Variants in PGAP1 observed in about 807,000 individuals in gnomAD.
PGAP1 encodes GPI inositol-deacylase.
Under a neutral mutation model 127.0 loss-of-function variants are expected in PGAP1, and 76 were observed. That is an observed-to-expected ratio of 0.60 (90% CI 0.50 to 0.72). The LOEUF is 0.72. PGAP1 is among the 30% of genes least tolerant of loss of function. PGAP1 has a pLI of 0.00. For missense variants in PGAP1, 982 were observed against 1,071.3 expected (o/e 0.92, Z 1.16); for synonymous variants, 362 against 366.5 (o/e 0.99, Z 0.14).
intron 21 of PGAP1, 90 bp downstream of exon 21, chr2:196,847,857 T>C (rs915076795): frequency 3.1e-6 from 3 of 975,098 alleles, no homozygotes; most frequent in Non-Finnish European, 4.3e-6. Flanking sequence ...CTGCCAAATC[T>C]GTATGAAAAT....
At chr2:196,880,180 T>A in intron 12 of PGAP1, 27 bp from the exon 13 acceptor site, 1 of 1,337,244 alleles carries the variant, frequency 7.5e-7, no homozygotes, top group Non-Finnish European at 1.0e-6. Context: ...AGAAACTACT[T>A]TTATTTCTTA....
rs772707769 is a variant in PGAP1 at position 196,865,008 on chromosome 2, A to G, written c.1840T>C (p.Leu614=). The G allele has an allele frequency of 1.9e-6, 3 of 1,555,916 alleles. No homozygotes were observed. The highest frequency in any genetic ancestry group is 4.6e-5 in the East Asian group (2 of 43,276). ...TTACCTGTTGAGAAAAGAGAATATA[A>G]CTGTCCTCTATAAGCAAGAAGGATA... ...SNILLAYRGQ[L]YSLFSTGCCL... Residue 614 remains leucine (L), a synonymous_variant, in exon 20 of 27, where the codon TTA becomes CTA. Coordinates refer to ENST00000354764, the MANE Select transcript of PGAP1 (RefSeq NM_024989.4).
At chr2:196,886,861 C>A (rs1458331469) in intron 10 of PGAP1, among the ~76,000 whole-genome samples, 1 of 151,976 alleles carries the variant, frequency 6.6e-6, no homozygotes, top group Admixed American at 6.5e-5. Flanking sequence ...CCACACACAG[C>A]TAATTTTTGT....
chr2:196,885,863 A>G lies in PGAP1; in HGVS notation c.1191T>C (p.Ile397=). The change falls in exon 11 of 27, where the codon ATT becomes ATC. Residue 397 remains isoleucine, a synonymous_variant. Coordinates refer to ENST00000354764, the MANE Select transcript of PGAP1 (RefSeq NM_024989.4). Reference sequence around the variant, plus strand: ...TAGAAGTGCTGTTTATGCAAGCAAAAATCCAACTATTTGTATCCTGTTGAT... The same window carrying G: ...TAGAAGTGCTGTTTATGCAAGCAAAGATCCAACTATTTGTATCCTGTTGAT... ...QSTMLDTNSW[I]FACINSTSMC... 7.1e-7 allele frequency: 1 copy of G among 1,416,400 alleles called. No individual in the cohort carries two copies. The highest frequency in any genetic ancestry group is 9.3e-7 in the Non-Finnish European group (1 of 1,080,646). The allele number at this position is 1,416,400 out of a possible 1,614,324, so 87.7% of individuals were successfully genotyped here. A position where few individuals can be genotyped will look rare whatever the true frequency, so the allele number is the denominator to read the frequency against.
chr2:196,871,182 T>A (rs1486260163), intron 18 of PGAP1, among the ~76,000 whole-genome samples: 1 of 152,176 alleles, frequency 6.6e-6, no homozygotes, highest in East Asian at 1.9e-4. Flanking sequence ...TTTAGTATAC[T>A]TTCCCACATA....
Position 196,845,870 on chromosome 2 carries a change from G to T in PGAP1, c.2286+12C>A. 1 of 1,587,600 alleles carries T rather than the reference G, an allele frequency of 6.3e-7. No homozygotes were observed. Among genetic ancestry groups the T allele is most frequent in the South Asian group, 1.2e-5 (1 of 85,238 alleles). On this transcript the variant is annotated intron_variant, in intron 23 of 26. Transcript: ENST00000354764. ...AAAGCTCAATCATTTTGGCTTTACT[G>T]ATTTGACATACCTTAAACACATAGT...
At chr2:196,865,174 C>T (rs1379115430) in intron 19 of PGAP1, 94 bp from the exon 20 acceptor site, 3 of 634,880 alleles carry the variant, frequency 4.7e-6, no homozygotes, top group Non-Finnish European at 8.2e-6. Flanking sequence ...TCAATTTATA[C>T]CTGACATGGC....
intron 20 of PGAP1, among the ~76,000 whole-genome samples, chr2:196,862,118 C>G (rs866685584): frequency 3.9e-5 from 6 of 152,108 alleles, no homozygotes; most frequent in African/African-American, 1.2e-4. Context: ...CCATATTTCT[C>G]TTCTTTCAAA....
chr2:196,847,101 C>T lies in PGAP1; in HGVS notation c.2052G>A (p.Leu684=). 2 of 1,613,548 alleles carry T rather than the reference C, an allele frequency of 1.2e-6. No individual in the cohort carries two copies. The highest frequency in any genetic ancestry group is 1.7e-6 in the Non-Finnish European group (2 of 1,179,648). ...CQSMCFPLIS[L]ILFLFGTCTA... ...TACACGTTCCAAACAGAAAGAGAAT[C>T]AAGGATATCAGGGGGAAACACATAC... is the stretch of plus-strand genomic sequence containing the variant. Residue 684 remains leucine, a synonymous_variant, in exon 22 of 27, where the codon TTG becomes TTA. Transcript: ENST00000354764.
chr2:196,839,833 C>T lies in PGAP1; in HGVS notation c.*1401G>A, dbSNP rs1038099563. ...TGGTGCTCGAGGACATCCCTGGGTA[C>T]TAACAAGGATACATATTCACAAGTG... On this transcript the variant is annotated 3_prime_UTR_variant, in exon 27 of 27. Coordinates refer to ENST00000354764, the MANE Select transcript of PGAP1 (RefSeq NM_024989.4). 4 of 152,182 alleles carry T rather than the reference C, an allele frequency of 2.6e-5. No individual in the cohort carries two copies. The highest frequency in any genetic ancestry group is 9.7e-5 in the African/African-American group (4 of 41,442). 9.4% of individuals were successfully genotyped at this position (152,182 alleles called of 1,614,324 possible).
At chr2:196,895,871 C>G (rs1702253195) in intron 7 of PGAP1, among the ~76,000 whole-genome samples, 1 of 152,130 alleles carries the variant, frequency 6.6e-6, no homozygotes, top group Admixed American at 6.5e-5. Flanking sequence ...CCAAAAATAT[C>G]CGGGCTGCAA....
intron 4 of PGAP1, among the ~76,000 whole-genome samples, 159 bp from the exon 5 acceptor site, chr2:196,902,901 A>G (rs957428290): frequency 3.9e-5 from 6 of 152,232 alleles, no homozygotes; most frequent in African/African-American, 1.4e-4. Context: ...CAGTAAAATC[A>G]GTATCTTTAC....
Position 196,841,158 on chromosome 2 carries a change from C to A in PGAP1, c.*76G>T. ...TCTCCAAAGGATCTTGCTGTCCATA[C>A]TGATGGATCTGTGTGTTCCCTCTTA... On this transcript the variant is annotated 3_prime_UTR_variant, in exon 27 of 27. Transcript: ENST00000354764. The A allele has an allele frequency of 1.4e-6, 2 of 1,381,658 alleles. No individual in the cohort carries two copies. The highest frequency in any genetic ancestry group is 2.0e-6 in the Non-Finnish European group (2 of 1,024,080). 85.6% of individuals were successfully genotyped at this position (1,381,658 alleles called of 1,614,324 possible).
chr2:196,877,785 T>C (rs1268161440), intron 13 of PGAP1: 2 of 152,100 alleles, frequency 1.3e-5, no homozygotes, highest in African/African-American at 2.4e-5. Flanking sequence ...ACCTTCTCAG[T>C]CAATAAACAT....
chr2:196,842,503 T>C (rs531473033), intron 26 of PGAP1, among the ~76,000 whole-genome samples: 5 of 152,130 alleles, frequency 3.3e-5, no homozygotes, highest in African/African-American at 1.2e-4. Flanking sequence ...CATGTCTTTA[T>C]AGGGTTAACT....
At chr2:196,917,211 A>C (rs1330173010) in intron 2 of PGAP1, among the ~76,000 whole-genome samples, 1 of 152,134 alleles carries the variant, frequency 6.6e-6, no homozygotes, top group Non-Finnish European at 1.5e-5. Context: ...TTGTTTTGCA[A>C]ATCTTTTTAA....
intron 7 of PGAP1, among the ~76,000 whole-genome samples, chr2:196,894,506 T>C (rs1702208447): frequency 6.6e-6 from 1 of 152,170 alleles, no homozygotes; most frequent in Admixed American, 6.5e-5. Context: ...TTACAGCCTG[T>C]CTATCAAAAC....
Position 196,833,521 on chromosome 2 carries a change from T to C in PGAP1, c.*7713A>G, listed in dbSNP as rs375821552. 2.6e-5 allele frequency: 4 copies of C among 152,216 alleles called. No homozygotes were observed. The East Asian group carries it at 5.8e-4, about 22-fold the overall frequency. The allele number at this position is 152,216 out of a possible 1,614,324, so 9.4% of individuals were successfully genotyped here. A position where few individuals can be genotyped will look rare whatever the true frequency, so the allele number is the denominator to read the frequency against. On this transcript the variant is annotated 3_prime_UTR_variant, in exon 27 of 27. Coordinates refer to ENST00000354764, the MANE Select transcript of PGAP1 (RefSeq NM_024989.4). ...CATAGGTTGTCCTCTATAAATTTTT[T>C]AACTATAGTATAAAAATTGATGCAG...
chr2:196,924,183 T>G (rs752227952), intron 1 of PGAP1, among the ~76,000 whole-genome samples: 4 of 152,054 alleles, frequency 2.6e-5, no homozygotes, highest in Non-Finnish European at 4.4e-5. Flanking sequence ...ATAATAAAAC[T>G]GAATGTGTTT....
Sources: gnomAD v4.1 joint callset for allele counts (sites outside exome capture counted in the v4.1 genomes callset) on GRCh38, gnomAD v4.1.1 for gene constraint, MANE v1.5 for transcripts, NCBI Gene and HGNC (gene_info 2026-07-23, HGNC 2026-07-21) for gene names.